ANKS1A: variants seen among roughly 807,000 people sequenced by gnomAD.
ANKS1A encodes the protein ankyrin repeat and sterile alpha motif domain containing 1A.
ANKS1A carries 55 observed loss-of-function variants against 120.3 expected under a neutral mutation model. The observed-to-expected ratio is 0.46, with a 90% confidence interval of 0.37 to 0.57. ANKS1A has a LOEUF of 0.57. ANKS1A is among the 20% of genes least tolerant of loss of function. ANKS1A has a pLI of 0.00. For synonymous variants in ANKS1A, 590 were observed against 604.7 expected (o/e 0.98, Z 0.36); for missense variants, 1,123 against 1,480.3 (o/e 0.76, Z 3.96).
rs546670832 is a variant in ANKS1A at position 35,085,680 on chromosome 6, G to C, written c.3133-86G>C. On this transcript the variant is annotated intron_variant, in intron 21 of 23. Transcript: ENST00000360359. This position sits in a 1 kb window ranked among gnomAD's most constrained non-coding sequence, Gnocchi z 4.7. ...GCGCTCCCGGGTAGACTTAGAGGGG[G>C]ACACATGGTCCCTGCGAGGAAGGGC... is the stretch of plus-strand genomic sequence containing the variant. 12 of 1,405,322 alleles carry C rather than the reference G, an allele frequency of 8.5e-6. No individual in the cohort carries two copies. The East Asian group carries it at 2.2e-4, about 26-fold the overall frequency. The allele number at this position is 1,405,322 out of a possible 1,614,324, so 87.1% of individuals were successfully genotyped here. A position where few individuals can be genotyped will look rare whatever the true frequency, so the allele number is the denominator to read the frequency against.
At chr6:35,077,076 A>G (rs768205676) in intron 13 of ANKS1A, among the ~76,000 whole-genome samples, 1 of 152,152 alleles carries the variant, frequency 6.6e-6, no homozygotes, top group Non-Finnish European at 1.5e-5. Flanking sequence ...GAAATGTGCA[A>G]ATTGAAACTG....
At chr6:34,964,011 G>A (rs1770775593) in intron 1 of ANKS1A, among the ~76,000 whole-genome samples, 1 of 151,950 alleles carries the variant, frequency 6.6e-6, no homozygotes, top group South Asian at 2.1e-4. Flanking sequence ...TATATATTTT[G>A]GATATTAACC....
At chr6:35,055,097 A>T (rs1776149526) in intron 12 of ANKS1A, among the ~76,000 whole-genome samples, 1 of 152,178 alleles carries the variant, frequency 6.6e-6, no homozygotes, top group African/African-American at 2.4e-5. Context: ...AGGAAGTCTG[A>T]TGGGTGGGCT....
rs1353985562 is a variant in ANKS1A, at chr6:35,086,672, G to A, written c.3304-280G>A. Among the ~76,000 whole-genome samples the A allele has an allele frequency of 6.6e-6, 1 of 152,076 alleles. No homozygotes were observed. Among genetic ancestry groups the A allele is most frequent in the Admixed American group, 6.5e-5 (1 of 15,274 alleles). ...TCCTGCCCAGTGTGAGTGGGTCTGG[G>A]GCTTAGAGCAGGAGGCCCGCCTAGG... On this transcript the variant is annotated intron_variant, in intron 22 of 23. Transcript: ENST00000360359. This position sits in a 1 kb window ranked among gnomAD's most constrained non-coding sequence, Gnocchi z 5.1.
Position 35,082,321 on chromosome 6 carries a change from T to C in ANKS1A, c.2710-370T>C, listed in dbSNP as rs1777728436. On this transcript the variant is annotated intron_variant, in intron 17 of 23. Coordinates refer to ENST00000360359, the MANE Select transcript of ANKS1A (RefSeq NM_015245.3). This position sits in a 1 kb window ranked among gnomAD's most constrained non-coding sequence, Gnocchi z 4.1. ...GGTCCCAAGGCGTCCCAGGGTCTCG[T>C]GGGCGCTGTTCTCTCCTTTGGTCTT... is the stretch of plus-strand genomic sequence containing the variant. Among the ~76,000 whole-genome samples the C allele has an allele frequency of 6.6e-6, 1 of 151,966 alleles. No homozygotes were observed.
chr6:34,897,333 A>G (rs1036734634), intron 1 of ANKS1A, among the ~76,000 whole-genome samples: 1 of 152,148 alleles, frequency 6.6e-6, no homozygotes, highest in Non-Finnish European at 1.5e-5. Context: ...AAATCCCTTC[A>G]GGAGGTTCTT....
At chr6:34,921,924 GGCCTCAAGCAGTTTTCCT>G (rs1343998737) in intron 1 of ANKS1A, among the ~76,000 whole-genome samples, 3 of 152,090 alleles carry the variant, frequency 2.0e-5, no homozygotes, top group Non-Finnish European at 4.4e-5. Flanking sequence ...TTGAACTCCT[GGCCTCAAGCAGTTTTCCT>G]GCCTCAGCCT....
intron 10 of ANKS1A, among the ~76,000 whole-genome samples, chr6:35,003,319 C>T (rs1309792671): frequency 6.6e-6 from 1 of 152,178 alleles, no homozygotes; most frequent in East Asian, 1.9e-4. Context: ...ACCGGTCAAG[C>T]CTTGACTATT....
At chr6:35,083,047 T>G in intron 18 of ANKS1A, 108 bp from the exon 19 acceptor site, 1 of 1,406,632 alleles carries the variant, frequency 7.1e-7, no homozygotes, top group Non-Finnish European at 9.8e-7. Context: ...GGGGGTGTTG[T>G]TATTGAGAGG....
intron 10 of ANKS1A, among the ~76,000 whole-genome samples, chr6:34,998,588 T>G (rs183298192): frequency 1.2e-4 from 18 of 152,194 alleles, no homozygotes; most frequent in South Asian, 2.1e-4. Flanking sequence ...AACTTCCCGG[T>G]CTGTTCTATT....
rs907765330 is a variant in ANKS1A at position 35,050,182 on chromosome 6, C to T, written c.2011-3917C>T. On this transcript the variant is annotated intron_variant, in intron 11 of 23. Coordinates refer to ENST00000360359, the MANE Select transcript of ANKS1A (RefSeq NM_015245.3). This position sits in a 1 kb window ranked among gnomAD's most constrained non-coding sequence, Gnocchi z 4.3. ...TCAGCCATATGGGGAATACATTTTA[C>T]ACAGCCCTGGCAGGGAAAAATAGTC... 2.6e-5 allele frequency among the ~76,000 whole-genome samples: 4 copies of T among 152,194 alleles called. No individual in the cohort carries two copies. The highest frequency in any genetic ancestry group is 9.7e-5 in the African/African-American group (4 of 41,444).
chr6:34,987,929 A>G (rs1330186179), intron 8 of ANKS1A, among the ~76,000 whole-genome samples: 1 of 152,226 alleles, frequency 6.6e-6, no homozygotes, highest in Non-Finnish European at 1.5e-5. Flanking sequence ...CTTTAGTCGG[A>G]ACACTGATTC....
intron 1 of ANKS1A, among the ~76,000 whole-genome samples, chr6:34,891,111 G>T (rs1018823166): frequency 6.6e-6 from 1 of 152,234 alleles, no homozygotes; most frequent in Non-Finnish European, 1.5e-5. Flanking sequence ...TGGAGTGGAA[G>T]TCAGGGCTTC....
intron 1 of ANKS1A, among the ~76,000 whole-genome samples, chr6:34,916,825 C>G (rs1768188316): frequency 6.6e-6 from 1 of 152,134 alleles, no homozygotes; most frequent in South Asian, 2.1e-4. Flanking sequence ...TGGGAAATTT[C>G]CTTAATTTAT....
intron 1 of ANKS1A, among the ~76,000 whole-genome samples, chr6:34,890,327 G>T (rs1317006109): frequency 6.6e-6 from 1 of 152,106 alleles, no homozygotes; most frequent in Non-Finnish European, 1.5e-5. Flanking sequence ...CTTGACCTCA[G>T]GAACCGCCCG....
chr6:35,049,983 G>C (rs1013817123), intron 11 of ANKS1A, among the ~76,000 whole-genome samples: 4 of 152,230 alleles, frequency 2.6e-5, no homozygotes, highest in South Asian at 4.1e-4. Context: ...TTATTAAAAA[G>C]CTAGTTGTCA....
chr6:35,017,758 C>T lies in ANKS1A; in HGVS notation c.1709C>T (p.Thr570Ile). The T allele has an allele frequency of 1.2e-6, 2 of 1,614,130 alleles. No homozygotes were observed. The highest frequency in any genetic ancestry group is 1.7e-6 in the Non-Finnish European group (2 of 1,180,022). ...CAGAGCAAGAGAGTGGGCTACCTCA[C>T]AGGCCTGCCCACCACCAACAGCCGC... ...LDQSKRVGYL[T>I]GLPTTNSRSH... Residue 570 changes from threonine (T) to isoleucine (I), a missense_variant, in exon 11 of 24, where the codon ACA becomes ATA. By Grantham distance (89) the Thr-to-Ile change is moderately conservative. This residue lies in a region of ANKS1A where 904 missense variants were observed against 1,130.4 expected (regional missense o/e 0.80). Coordinates refer to ENST00000360359, the MANE Select transcript of ANKS1A (RefSeq NM_015245.3).
At chr6:34,937,125 T>A (rs1581717945) in intron 1 of ANKS1A, among the ~76,000 whole-genome samples, 1 of 152,238 alleles carries the variant, frequency 6.6e-6, no homozygotes, top group East Asian at 1.9e-4. Flanking sequence ...ATTTTGGATG[T>A]GTAGTGCTGA....
intron 9 of ANKS1A, among the ~76,000 whole-genome samples, chr6:34,993,332 G>A (rs186243772): frequency 1.5e-3 from 234 of 152,324 alleles, no homozygotes; most frequent in African/African-American, 5.3e-3. Flanking sequence ...GGGAAAGCGT[G>A]GCTACTCTGG....
Sources: gnomAD v4.1 joint callset for allele counts (sites outside exome capture counted in the v4.1 genomes callset) on GRCh38, gnomAD v4.1.1 for gene constraint, gnomAD v4.1.1 regional missense constraint, Gnocchi (gnomAD v3.1) non-coding constraint, MANE v1.5 for transcripts, NCBI Gene and HGNC (gene_info 2026-07-23, HGNC 2026-07-21) for gene names.